NPAS3: variants seen among roughly 807,000 people sequenced by gnomAD.
NPAS3 encodes the protein neuronal PAS domain-containing protein 3.
A neutral mutation model predicts 73.1 loss-of-function variants in NPAS3; 14 were observed. That is an observed-to-expected ratio of 0.19 (90% CI 0.13 to 0.30). The LOEUF (loss-of-function observed/expected upper bound fraction) is 0.30, where lower values mean the gene tolerates loss of function less well. Among genes scored for constraint, NPAS3 ranks in the 10% least tolerant of loss-of-function variants. The pLI is 1.00. For missense variants in NPAS3, 1,096 were observed against 1,250.0 expected (o/e 0.88, Z 1.86); for synonymous variants, 620 against 541.5 (o/e 1.14, Z -2.01).
chr14:33,674,973 A>G (rs754655820), intron 5 of NPAS3, among the ~76,000 whole-genome samples: 3 of 152,122 alleles, frequency 2.0e-5, no homozygotes, highest in Non-Finnish European at 4.4e-5. Flanking sequence ...CCCTCTTGAC[A>G]TGAAAGGGTG....
chr14:33,672,701 GAAAAA>G (rs3059410), intron 5 of NPAS3, among the ~76,000 whole-genome samples: 1 of 145,044 alleles, frequency 6.9e-6, no homozygotes, highest in Non-Finnish European at 1.5e-5. Flanking sequence ...CCATAAGAGA[GAAAAA>G]AAAAAAAAAA....
At chr14:33,070,191 A>T (rs1003660146) in intron 2 of NPAS3, among the ~76,000 whole-genome samples, 5 of 152,242 alleles carry the variant, frequency 3.3e-5, no homozygotes, top group Non-Finnish European at 7.3e-5. Flanking sequence ...TTTTTTGACC[A>T]AATACAGGAA....
chr14:33,383,289 G>A (rs2046637911), intron 4 of NPAS3, among the ~76,000 whole-genome samples: 1 of 152,016 alleles, frequency 6.6e-6, no homozygotes, highest in African/African-American at 2.4e-5. Context: ...GGTGCTCAGT[G>A]CCTTTGTAGA....
Position 33,388,591 on chromosome 14 carries a change from T to TA in NPAS3, c.468+21325dup, listed in dbSNP as rs542229218. On this transcript the variant is annotated intron_variant, in intron 4 of 11. Coordinates refer to ENST00000356141, the Ensembl canonical transcript of NPAS3. Reference sequence around the variant, plus strand: ...GGGGAAAGGTTATATTAAGTTATATTAAGTTATAACTTGAGGCTCGAGCTG... The same window carrying TA: ...GGGGAAAGGTTATATTAAGTTATATTAAAGTTATAACTTGAGGCTCGAGCTG... 3.1e-3 allele frequency among the ~76,000 whole-genome samples: 479 copies of TA among 152,264 alleles called. 3 individuals carry two copies. Among genetic ancestry groups the TA allele is most frequent in the Non-Finnish European group, 3.5e-3 (238 of 68,028 alleles).
At position 32,948,250 on chromosome 14, in the gene NPAS3, T is replaced by A. The variant is rs560018985; in HGVS notation, c.50+8884T>A. 9.9e-5 allele frequency among the ~76,000 whole-genome samples: 15 copies of A among 152,264 alleles called. No individual in the cohort carries two copies. The South Asian group carries it at 2.1e-3, about 21-fold the overall frequency. On this transcript the variant is annotated intron_variant, in intron 1 of 11. Transcript: ENST00000356141. ...TCTTTATACATAAATACTTAAAAAA[T>A]TTATATTTTGGGGATGTCAAAGTTG...
intron 4 of NPAS3, among the ~76,000 whole-genome samples, chr14:33,539,744 A>T (rs1261966918): frequency 2.0e-5 from 3 of 152,084 alleles, no homozygotes; most frequent in Non-Finnish European, 4.4e-5. Flanking sequence ...TCTATTGTTA[A>T]CATTCTCTGT....
At chr14:33,556,739 C>T (rs1379048805) in intron 4 of NPAS3, among the ~76,000 whole-genome samples, 1 of 152,206 alleles carries the variant, frequency 6.6e-6, no homozygotes, top group Non-Finnish European at 1.5e-5. Flanking sequence ...GGCCACTTAG[C>T]CTCTCTGTGC....
intron 5 of NPAS3, among the ~76,000 whole-genome samples, chr14:33,570,480 A>G (rs1363506542): frequency 6.6e-6 from 1 of 152,184 alleles, no homozygotes; most frequent in Non-Finnish European, 1.5e-5. Flanking sequence ...ATAAGAGGTG[A>G]GACTAGGAAC....
At chr14:33,332,653 G>A (rs1005509960) in intron 3 of NPAS3, among the ~76,000 whole-genome samples, 11 of 152,156 alleles carry the variant, frequency 7.2e-5, no homozygotes, top group African/African-American at 2.7e-4. Context: ...CTCATACTGG[G>A]ACTGCTGCCC....
chr14:33,289,938 C>T lies in NPAS3; in HGVS notation c.385+74512C>T, dbSNP rs181337304. Among the ~76,000 whole-genome samples the T allele has an allele frequency of 3.2e-4, 48 of 152,168 alleles. No homozygotes were observed. In the East Asian group the frequency reaches 5.6e-3, roughly 18 times the overall value. The stretch of plus-strand genomic sequence containing the variant: ...ACTACCAAGAAATTCCTGTCTGATA[C>T]GCCCATCTCAGGCTTCAGTTTCCCC... On this transcript the variant is annotated intron_variant, in intron 3 of 11. Coordinates refer to ENST00000356141, the Ensembl canonical transcript of NPAS3.
intron 4 of NPAS3, among the ~76,000 whole-genome samples, chr14:33,474,235 A>G (rs1193221709): frequency 1.3e-5 from 2 of 152,180 alleles, no homozygotes. Context: ...GGAAACTATT[A>G]GGAGGTTTGT....
intron 7 of NPAS3, among the ~76,000 whole-genome samples, chr14:33,755,130 G>T (rs1265375137): frequency 6.6e-6 from 1 of 152,154 alleles, no homozygotes; most frequent in Non-Finnish European, 1.5e-5. Flanking sequence ...GTTGAAAGAG[G>T]ATAATAGTAC....
intron 3 of NPAS3, among the ~76,000 whole-genome samples, chr14:33,303,485 G>C (rs2042634889): frequency 6.6e-6 from 1 of 151,858 alleles, no homozygotes; most frequent in South Asian, 2.1e-4. Flanking sequence ...AAAGAAACAT[G>C]AATATACAAG....
chr14:33,120,764 G>A (rs2043205069), intron 2 of NPAS3, among the ~76,000 whole-genome samples: 1 of 152,032 alleles, frequency 6.6e-6, no homozygotes, highest in Non-Finnish European at 1.5e-5. Context: ...AATTTGAGAA[G>A]CATTGGTTTT....
At chr14:33,089,599 C>G (rs908725510) in intron 2 of NPAS3, among the ~76,000 whole-genome samples, 1 of 152,156 alleles carries the variant, frequency 6.6e-6, no homozygotes, top group Admixed American at 6.5e-5. Context: ...AGGAGAACTT[C>G]CCCAACCTAG....
rs1364437082 is a variant in NPAS3, at chr14:32,985,722, TGCAAAGAGTTGATTTC to T, written c.50+46357_50+46372del. On this transcript the variant is annotated intron_variant, in intron 1 of 11. Coordinates refer to ENST00000356141, the Ensembl canonical transcript of NPAS3. ...AAAAAAGATTTCAGGCCTGTAGGAG[TGCAAAGAGTTGATTTC>T]TGTATTTAACAAGGATGTTTAGGAT... 4.0e-4 allele frequency among the ~76,000 whole-genome samples: 61 copies of T among 151,860 alleles called. 1 individual carries two copies. The highest frequency in any genetic ancestry group is 1.3e-4 in the Non-Finnish European group (9 of 67,972).
At chr14:33,662,383 A>G (rs117069952) in intron 5 of NPAS3, among the ~76,000 whole-genome samples, 3,520 of 152,352 alleles carry the variant, frequency 0.023, 56 homozygotes, top group Non-Finnish European at 0.038. Context: ...TAAAAAGACA[A>G]CAACCCTACT....
intron 3 of NPAS3, among the ~76,000 whole-genome samples, chr14:33,353,174 A>T (rs1315168532): frequency 6.8e-6 from 1 of 148,020 alleles, no homozygotes; most frequent in Non-Finnish European, 1.5e-5. Flanking sequence ...AAAAAAAAAT[A>T]TTGGGAAACA....
intron 7 of NPAS3, among the ~76,000 whole-genome samples, chr14:33,759,781 A>G (rs957966238): frequency 6.6e-6 from 1 of 152,232 alleles, no homozygotes; most frequent in Non-Finnish European, 1.5e-5. Flanking sequence ...TTTACCACAA[A>G]ATACTTCCAA....
Sources: gnomAD v4.1 joint callset for allele counts (sites outside exome capture counted in the v4.1 genomes callset) on GRCh38, gnomAD v4.1.1 for gene constraint, MANE v1.5 for transcripts, NCBI Gene and HGNC (gene_info 2026-07-23, HGNC 2026-07-21) for gene names.